Variants in PLXNA4 observed in about 807,000 individuals in gnomAD.
PLXNA4 encodes plexin-A4.
PLXNA4 carries 44 observed loss-of-function variants against 191.8 expected under a neutral mutation model. That is an observed-to-expected ratio of 0.23 (90% confidence interval 0.18 to 0.29). PLXNA4 has a LOEUF of 0.29. Among genes scored for constraint, PLXNA4 ranks in the 10% least tolerant of loss-of-function variants. PLXNA4 has a pLI of 1.00. For missense variants in PLXNA4, 1,800 were observed against 2,488.8 expected (o/e 0.72, Z 5.89); for synonymous variants, 1,082 against 1,009.5 (o/e 1.07, Z -1.36).
intron 4 of PLXNA4, among the ~76,000 whole-genome samples, chr7:132,280,005 A>G (rs768842378): frequency 6.6e-6 from 1 of 152,230 alleles, no homozygotes. Flanking sequence ...ACATGCCCAT[A>G]TATAGTTTCA....
chr7:132,507,554 C>T lies in PLXNA4; in HGVS notation c.1140G>A (p.Thr380=), dbSNP rs751382777. ...RLQSCYRGEG[T]LDLAWLKVKD... Reference sequence around the variant, plus strand: ...TCACCTTGAGCCAGGCCAGGTCCAGCGTGCCCTCGCCCCGGTAACAAGACT... The same window carrying T: ...TCACCTTGAGCCAGGCCAGGTCCAGTGTGCCCTCGCCCCGGTAACAAGACT... Residue 380 remains threonine, a synonymous_variant, in exon 2 of 32, where the codon ACG becomes ACA. Coordinates refer to ENST00000321063, the MANE Select transcript of PLXNA4 (RefSeq NM_020911.2). The T allele has an allele frequency of 2.1e-5, 34 of 1,613,740 alleles. No homozygotes were observed. The highest frequency in any genetic ancestry group is 5.0e-5 in the Admixed American group (3 of 59,996).
chr7:132,286,744 C>T (rs182715289), intron 4 of PLXNA4, among the ~76,000 whole-genome samples: 1 of 152,330 alleles, frequency 6.6e-6, no homozygotes, highest in Admixed American at 6.5e-5. Flanking sequence ...TGAGGTTGGA[C>T]TCAAATGGAT....
At chr7:132,223,388 A>G (rs1798208170) in intron 9 of PLXNA4, 139 bp downstream of exon 9, 1 of 691,228 alleles carries the variant, frequency 1.4e-6, no homozygotes, top group Non-Finnish European at 2.5e-6. Flanking sequence ...GTTTTTATAA[A>G]GTGGACCCTT....
chr7:132,264,856 C>T (rs575177151), intron 4 of PLXNA4, among the ~76,000 whole-genome samples: 1 of 152,200 alleles, frequency 6.6e-6, no homozygotes, highest in South Asian at 2.1e-4. Flanking sequence ...TGCCACCTCA[C>T]CCAGCTAATT....
chr7:132,461,986 A>G (rs1796524918), intron 3 of PLXNA4, among the ~76,000 whole-genome samples: 1 of 152,254 alleles, frequency 6.6e-6, no homozygotes, highest in Admixed American at 6.5e-5. Context: ...ATGAAAAGCT[A>G]TTAAAGTTGT....
chr7:132,498,594 T>C (rs900240618), intron 2 of PLXNA4, among the ~76,000 whole-genome samples: 14 of 152,258 alleles, frequency 9.2e-5, no homozygotes, highest in East Asian at 3.9e-4. Flanking sequence ...GATGGGGACA[T>C]AGCCAAACCA....
intron 5 of PLXNA4, among the ~76,000 whole-genome samples, chr7:132,234,220 C>G (rs1216984647): frequency 6.6e-6 from 1 of 152,208 alleles, no homozygotes; most frequent in African/African-American, 2.4e-5. Context: ...GAGACACATT[C>G]CAACAATGAC....
chr7:132,309,199 T>TA (rs1801634784), intron 3 of PLXNA4, among the ~76,000 whole-genome samples: 1 of 152,092 alleles, frequency 6.6e-6, no homozygotes, highest in African/African-American at 2.4e-5. Flanking sequence ...CCAACGACTT[T>TA]ATGGAGGAAG....
intron 3 of PLXNA4, among the ~76,000 whole-genome samples, chr7:132,419,025 C>T (rs1382665898): frequency 6.6e-6 from 1 of 152,210 alleles, no homozygotes; most frequent in Non-Finnish European, 1.5e-5. Flanking sequence ...GCACCGTCTC[C>T]TTGTCACTGA....
chr7:132,576,595 A>C, upstream of PLXNA4: 1 of 985,944 alleles, frequency 1.0e-6, no homozygotes, highest in Non-Finnish European at 1.2e-6. The surrounding 1 kb of genome is among the most constrained non-coding windows in gnomAD (Gnocchi z 5.8). Flanking sequence ...GGAAGCCGGG[A>C]GCAGCCGAGG....
chr7:132,201,686 G>A (rs907837437), intron 12 of PLXNA4, among the ~76,000 whole-genome samples: 5 of 152,340 alleles, frequency 3.3e-5, no homozygotes, highest in African/African-American at 9.6e-5. Flanking sequence ...CCATGGGGGA[G>A]GAGCATGTGG....
chr7:132,577,628 C>T (rs1802311278), upstream of PLXNA4, among the ~76,000 whole-genome samples: 2 of 152,280 alleles, frequency 1.3e-5, no homozygotes, highest in African/African-American at 4.8e-5. Flanking sequence ...CCTGGGTCCC[C>T]TCGGCCCGCA....
At chr7:132,165,922 G>A (rs920399926) in intron 22 of PLXNA4, among the ~76,000 whole-genome samples, 1 of 152,174 alleles carries the variant, frequency 6.6e-6, no homozygotes, top group African/African-American at 2.4e-5. Context: ...ATTGCGGCTG[G>A]GCACGGTGGC....
chr7:132,365,172 A>G (rs1804103073), intron 3 of PLXNA4, among the ~76,000 whole-genome samples: 1 of 152,136 alleles, frequency 6.6e-6, no homozygotes, highest in Non-Finnish European at 1.5e-5. Flanking sequence ...ATTGAAGTCT[A>G]TGTCTGGTTC....
chr7:132,485,194 C>T (rs2117502648), intron 3 of PLXNA4, among the ~76,000 whole-genome samples: 1 of 152,288 alleles, frequency 6.6e-6, no homozygotes, highest in East Asian at 1.9e-4. Flanking sequence ...TTAGTCTGTG[C>T]ACAGACACAT....
intron 3 of PLXNA4, among the ~76,000 whole-genome samples, chr7:132,444,360 T>C (rs1172246450): frequency 6.6e-6 from 1 of 152,232 alleles, no homozygotes; most frequent in African/African-American, 2.4e-5. Flanking sequence ...GTTCAAGCGA[T>C]TCTCCTCCCT....
intron 3 of PLXNA4, among the ~76,000 whole-genome samples, chr7:132,319,940 A>G (rs1802098608): frequency 6.6e-6 from 1 of 151,956 alleles, no homozygotes; most frequent in African/African-American, 2.4e-5. Context: ...CACCTCTCCC[A>G]TGTTCTCCAC....
At chr7:132,416,916 G>C (rs1226257851) in intron 3 of PLXNA4, among the ~76,000 whole-genome samples, 1 of 151,912 alleles carries the variant, frequency 6.6e-6, no homozygotes, top group African/African-American at 2.4e-5. Flanking sequence ...ACTCACAGTT[G>C]CTTCTCTACA....
intron 29 of PLXNA4, among the ~76,000 whole-genome samples, chr7:132,143,160 T>C (rs61076439): frequency 0.039 from 5,971 of 152,246 alleles, 231 homozygotes; most frequent in East Asian, 0.25. Flanking sequence ...AAATAATCAC[T>C]TTTCCATCAG....
Sources: allele counts gnomAD v4.1 joint callset (sites outside exome capture counted in the v4.1 genomes callset), GRCh38; gene constraint gnomAD v4.1.1; non-coding constraint Gnocchi (gnomAD v3.1); transcripts MANE v1.5; gene names NCBI Gene and HGNC (gene_info 2026-07-23, HGNC 2026-07-21).